The following CCDC192 variants were observed in gnomAD, a reference collection of about 807,000 sequenced individuals.
CCDC192 encodes coiled-coil domain containing 192, also known as coiled-coil domain-containing protein 192.
intron 5 of CCDC192, among the ~76,000 whole-genome samples, chr5:127,798,500 C>A (rs1369592943): frequency 6.6e-6 from 1 of 152,034 alleles, no homozygotes; most frequent in Non-Finnish European, 1.5e-5. Flanking sequence ...TAATTATTGA[C>A]CCATCAGATA....
chr5:127,897,171 T>C (rs952773568), intron 6 of CCDC192, among the ~76,000 whole-genome samples: 4 of 152,070 alleles, frequency 2.6e-5, no homozygotes, highest in Non-Finnish European at 4.4e-5. Context: ...ATATGACTAT[T>C]ATTTGATTCC....
At chr5:127,756,389 G>A (rs959362896) in intron 3 of CCDC192, among the ~76,000 whole-genome samples, 1 of 152,072 alleles carries the variant, frequency 6.6e-6, no homozygotes, top group Non-Finnish European at 1.5e-5. Context: ...AAGATAATTC[G>A]ACGGGGAGGG....
At chr5:127,865,790 G>A (rs143346796) in intron 5 of CCDC192, among the ~76,000 whole-genome samples, 64 of 151,894 alleles carry the variant, frequency 4.2e-4, no homozygotes, top group African/African-American at 1.4e-3. Flanking sequence ...GAACTTGAAG[G>A]TAGTTCAGCT....
intron 6 of CCDC192, among the ~76,000 whole-genome samples, chr5:127,882,802 G>A (rs1047415569): frequency 3.9e-5 from 6 of 152,154 alleles, no homozygotes; most frequent in South Asian, 2.1e-4. Flanking sequence ...AAGACTAGGC[G>A]TGAATAGTTG....
chr5:127,917,631 G>A (rs192215545), intron 6 of CCDC192, among the ~76,000 whole-genome samples: 1 of 152,332 alleles, frequency 6.6e-6, no homozygotes, highest in Non-Finnish European at 1.5e-5. Context: ...TCGTCAGTAA[G>A]TGGAGCAGTA....
At chr5:127,716,853 T>C (rs1751648898) in intron 2 of CCDC192, among the ~76,000 whole-genome samples, 1 of 152,234 alleles carries the variant, frequency 6.6e-6, no homozygotes. Context: ...TGGAATTGGC[T>C]GAAGCCTCTG....
At chr5:127,922,757 A>G (rs1294418989) in intron 6 of CCDC192, among the ~76,000 whole-genome samples, 1 of 152,186 alleles carries the variant, frequency 6.6e-6, no homozygotes, top group African/African-American at 2.4e-5. Flanking sequence ...TAAACAAACA[A>G]ACAAAGCAAG....
At chr5:127,884,610 G>A (rs554206096) in intron 6 of CCDC192, among the ~76,000 whole-genome samples, 23 of 152,102 alleles carry the variant, frequency 1.5e-4, no homozygotes, top group African/African-American at 5.5e-4. Flanking sequence ...CAATTACTGC[G>A]GCCAAGGCAA....
chr5:127,883,010 G>T (rs188809688), intron 6 of CCDC192, among the ~76,000 whole-genome samples: 1 of 152,184 alleles, frequency 6.6e-6, no homozygotes, highest in Non-Finnish European at 1.5e-5. Context: ...AAAGTAACTA[G>T]TCTGGTCTTG....
intron 5 of CCDC192, among the ~76,000 whole-genome samples, chr5:127,855,225 A>G (rs747757439): frequency 5.9e-5 from 9 of 152,038 alleles, no homozygotes; most frequent in Non-Finnish European, 1.2e-4. Flanking sequence ...ACTGGAGTCA[A>G]TCCTCTCAAA....
At chr5:127,856,459 G>A (rs1751102190) in intron 5 of CCDC192, among the ~76,000 whole-genome samples, 1 of 152,112 alleles carries the variant, frequency 6.6e-6, no homozygotes, top group Admixed American at 6.6e-5. Flanking sequence ...GGGTTGGTTT[G>A]CTTTTTTATT....
chr5:127,710,734 A>T (rs1044640799), intron 2 of CCDC192, among the ~76,000 whole-genome samples: 29 of 152,112 alleles, frequency 1.9e-4, no homozygotes, highest in African/African-American at 6.8e-4. Flanking sequence ...TATATTGATA[A>T]TTTTCTTCCT....
rs185832864 is a variant in CCDC192, at chr5:127,797,199, G to A, written c.319G>A (p.Gly107Arg). 102 of 398,212 alleles carry A rather than the reference G, an allele frequency of 2.6e-4. No homozygotes were observed. Among genetic ancestry groups the A allele is most frequent in the Middle Eastern group, 1.3e-3 (2 of 1,582 alleles). 24.7% of individuals were successfully genotyped at this position (398,212 alleles called of 1,614,324 possible). A position where few individuals can be genotyped will look rare whatever the true frequency, so the allele number is the denominator to read the frequency against. ...EAVDHKEASG[G>R]PYEKMVLVKD... is the part of the protein sequence containing the mutation. The stretch of plus-strand genomic sequence containing the variant: ...TGTGGACCACAAGGAAGCCAGTGGG[G>A]GACCATATGAAAAAATGGTTCTTGT... The change falls in exon 4 of 7, where the codon GGA becomes AGA. Residue 107 changes from glycine to arginine, a missense_variant. Coordinates refer to ENST00000514853, the MANE Select transcript of CCDC192 (RefSeq NM_001317938.2).
chr5:127,865,747 A>G (rs1462671661), intron 5 of CCDC192, among the ~76,000 whole-genome samples: 2 of 151,676 alleles, frequency 1.3e-5, no homozygotes, highest in Non-Finnish European at 2.9e-5. Flanking sequence ...TGAGACCCCC[A>G]AAGTGACCTT....
At chr5:127,801,240 GA>G (rs1757492863) in intron 5 of CCDC192, among the ~76,000 whole-genome samples, 1 of 152,150 alleles carries the variant, frequency 6.6e-6, no homozygotes, top group African/African-American at 2.4e-5. Flanking sequence ...GAGTTCTGAG[GA>G]TGCTGAAGAT....
chr5:127,808,155 C>T (rs1757895543), intron 5 of CCDC192, among the ~76,000 whole-genome samples: 1 of 151,920 alleles, frequency 6.6e-6, no homozygotes, highest in African/African-American at 2.4e-5. Context: ...TTATTTTGAC[C>T]ATCAGAAAGA....
intron 6 of CCDC192, among the ~76,000 whole-genome samples, chr5:127,928,505 A>C (rs1210338682): frequency 3.3e-4 from 50 of 152,220 alleles, no homozygotes; most frequent in Admixed American, 3.1e-3. Flanking sequence ...CAGATAATCC[A>C]AGACAATCTT....
At chr5:127,859,724 A>C (rs540743329) in intron 5 of CCDC192, among the ~76,000 whole-genome samples, 2 of 152,036 alleles carry the variant, frequency 1.3e-5, no homozygotes, top group South Asian at 2.1e-4. Context: ...TCTCTACTCC[A>C]TGTCTCTTAA....
At chr5:127,736,369 A>T (rs942659636) in intron 2 of CCDC192, among the ~76,000 whole-genome samples, 3 of 149,728 alleles carry the variant, frequency 2.0e-5, no homozygotes, top group Admixed American at 6.7e-5. Context: ...ATGTTCATCA[A>T]GGATATTGGT....
Sources: gnomAD v4.1 joint callset for allele counts (sites outside exome capture counted in the v4.1 genomes callset) on GRCh38, gnomAD v4.1.1 for gene constraint, MANE v1.5 for transcripts, NCBI Gene and HGNC (gene_info 2026-07-23, HGNC 2026-07-21) for gene names.